GSE1: variants seen among roughly 807,000 people sequenced by gnomAD.
GSE1 encodes the protein genetic suppressor element 1.
Under a neutral mutation model 112.6 loss-of-function variants are expected in GSE1, and 32 were observed. That is an observed-to-expected ratio of 0.28 (90% CI 0.21 to 0.38). The LOEUF (loss-of-function observed/expected upper bound fraction) is 0.38. GSE1 is among the 10% of genes least tolerant of loss of function. The probability of loss-of-function intolerance (pLI) is 1.00; values close to 1 mark genes in which losing one functional copy is unlikely to be tolerated. For missense variants in GSE1, 2,348 were observed against 1,699.2 expected, an observed-to-expected ratio of 1.38 and a Z score of -6.71; for synonymous variants, 1,115 against 735.6, an observed-to-expected ratio of 1.52 and a Z score of -8.35.
intron 2 of GSE1, among the ~76,000 whole-genome samples, chr16:85,541,528 T>A (rs191931929): frequency 1.3e-5 from 2 of 152,206 alleles, no homozygotes; most frequent in South Asian, 2.1e-4. Context: ...GGGCCCACAC[T>A]GTCCCCCACT....
intron 2 of GSE1, among the ~76,000 whole-genome samples, chr16:85,470,955 C>T (rs988231661): frequency 2.0e-5 from 3 of 152,244 alleles, no homozygotes; most frequent in Non-Finnish European, 1.5e-5. Context: ...ACACATAGCG[C>T]GTTGCCATCT....
At chr16:85,608,569 C>T (rs2047816626), upstream of GSE1, among the ~76,000 whole-genome samples, 1 of 152,294 alleles carries the variant, frequency 6.6e-6, no homozygotes, top group Admixed American at 6.5e-5. Context: ...TCAGAGTGAC[C>T]ATGGCAGGTG....
chr16:85,184,360 A>T (rs1387346364), intron 1 of GSE1, among the ~76,000 whole-genome samples: 1 of 152,166 alleles, frequency 6.6e-6, no homozygotes, highest in Non-Finnish European at 1.5e-5. Context: ...TTGATCTTGT[A>T]TTCCCTAGGG....
At chr16:85,209,550 A>G (rs1248234516) in intron 1 of GSE1, among the ~76,000 whole-genome samples, 1 of 151,736 alleles carries the variant, frequency 6.6e-6, no homozygotes, top group East Asian at 1.9e-4. Flanking sequence ...CACATTAGGG[A>G]GAAACCCATA....
intron 2 of GSE1, among the ~76,000 whole-genome samples, chr16:85,494,596 G>A (rs2051111362): frequency 6.6e-6 from 1 of 151,944 alleles, no homozygotes; most frequent in Non-Finnish European, 1.5e-5. Flanking sequence ...TAGAGAGAGG[G>A]TTTTGCCATG....
intron 1 of GSE1, among the ~76,000 whole-genome samples, chr16:85,265,446 G>A (rs898306159): frequency 5.3e-5 from 8 of 152,152 alleles, no homozygotes; most frequent in African/African-American, 1.9e-4. Context: ...TGCACCCTGT[G>A]GACCTCACTG....
chr16:85,528,638 T>G (rs954866734), intron 2 of GSE1, among the ~76,000 whole-genome samples: 13 of 145,082 alleles, frequency 9.0e-5, no homozygotes, highest in East Asian at 4.1e-4. Flanking sequence ...GGATTGCTGT[T>G]TTTTGTTTTG....
At chr16:85,235,995 C>G (rs922124422) in intron 1 of GSE1, among the ~76,000 whole-genome samples, 5 of 151,998 alleles carry the variant, frequency 3.3e-5, no homozygotes, top group African/African-American at 9.6e-5. Context: ...TGGGCCTGGG[C>G]CTGGGGCTGA....
chr16:85,330,104 G>A (rs143746084), intron 1 of GSE1, among the ~76,000 whole-genome samples: 3 of 152,190 alleles, frequency 2.0e-5, no homozygotes, highest in African/African-American at 7.2e-5. Flanking sequence ...GCAGAGCCAC[G>A]TCTGTGAAAT....
chr16:85,613,486 G>A, intron 1 of GSE1, 88 bp downstream of exon 1: 1 of 1,260,412 alleles, frequency 7.9e-7, no homozygotes, highest in Non-Finnish European at 1.1e-6. Context: ...TTTCGCGGGG[G>A]CGGCCGCCAA....
intron 1 of GSE1, chr16:85,279,068 A>G (rs1029414732): frequency 1.3e-5 from 2 of 152,252 alleles, no homozygotes; most frequent in Admixed American, 6.5e-5. Context: ...AGGGACATCA[A>G]CCTCAACACC....
chr16:85,463,359 G>C (rs925471369), intron 2 of GSE1, among the ~76,000 whole-genome samples: 2 of 152,204 alleles, frequency 1.3e-5, no homozygotes, highest in African/African-American at 4.8e-5. Context: ...CTTGACCCCC[G>C]CGGTCTGGCT....
At chr16:85,457,179 T>C (rs781118993) in intron 2 of GSE1, among the ~76,000 whole-genome samples, 89 of 152,184 alleles carry the variant, frequency 5.8e-4, no homozygotes, top group Admixed American at 1.3e-3. Context: ...CAGGATTGCA[T>C]TGCACATAGC....
chr16:85,651,536 C>T (rs572462383), intron 3 of GSE1, among the ~76,000 whole-genome samples: 1 of 152,164 alleles, frequency 6.6e-6, no homozygotes, highest in Non-Finnish European at 1.5e-5. Context: ...GGGACAGGCC[C>T]CTCCTTGTGG....
chr16:85,654,948 C>A lies in GSE1; in HGVS notation c.754C>A (p.Pro252Thr), dbSNP rs749487820. Residue 252 changes from proline (P) to threonine (T), a missense_variant, in exon 5 of 16, where the codon CCC becomes ACC. Transcript: ENST00000253458. ...DPATAAAYYHPSYLAPHPFPH... is the reference protein window; with the variant it reads ...DPATAAAYYHTSYLAPHPFPH... ...GGCCACTGCTGCAGCCTACTACCAC[C>A]CCAGCTACCTGGCCCCACACCCCTT... The A allele has an allele frequency of 2.5e-6, 4 of 1,609,726 alleles. No individual in the cohort carries two copies. In the African/African-American group the frequency reaches 4.0e-5, roughly 16 times the overall value.
intron 2 of GSE1, among the ~76,000 whole-genome samples, chr16:85,402,821 G>A (rs2048148129): frequency 2.0e-5 from 3 of 152,020 alleles, no homozygotes; most frequent in Non-Finnish European, 4.4e-5. Flanking sequence ...AGGCTGGGGC[G>A]GGAGGATCAC....
At chr16:85,210,872 C>G (rs1343566837) in intron 1 of GSE1, among the ~76,000 whole-genome samples, 2 of 152,220 alleles carry the variant, frequency 1.3e-5, no homozygotes, top group Non-Finnish European at 2.9e-5. Context: ...GCCACCTGGA[C>G]TCTTCTTCTG....
intron 2 of GSE1, among the ~76,000 whole-genome samples, chr16:85,479,517 T>C (rs1047269960): frequency 1.3e-5 from 2 of 152,096 alleles, no homozygotes; most frequent in African/African-American, 2.4e-5. Flanking sequence ...TTGACCAGGC[T>C]GGTCTCAAGC....
At chr16:85,655,212 C>T (rs1352912066) in intron 5 of GSE1, among the ~76,000 whole-genome samples, 1 of 152,198 alleles carries the variant, frequency 6.6e-6, no homozygotes, top group Non-Finnish European at 1.5e-5. Context: ...ACTGTACTGT[C>T]ATCCTTGGCT....
Sources: gnomAD v4.1 joint callset for allele counts (sites outside exome capture counted in the v4.1 genomes callset) on GRCh38, gnomAD v4.1.1 for gene constraint, MANE v1.5 for transcripts, NCBI Gene and HGNC (gene_info 2026-07-23, HGNC 2026-07-21) for gene names.